GGACT: variants seen among roughly 807,000 people sequenced by gnomAD.
GGACT encodes the protein gamma-glutamylaminecyclotransferase.
For synonymous variants in GGACT, 118 were observed against 115.3 expected, an observed-to-expected ratio of 1.02 and a Z score of -0.15; for missense variants, 241 against 233.2, an observed-to-expected ratio of 1.03 and a Z score of -0.22.
intron 2 of GGACT, among the ~76,000 whole-genome samples, chr13:100,547,347 A>G (rs918318422): frequency 2.0e-5 from 3 of 152,184 alleles, no homozygotes; most frequent in African/African-American, 7.2e-5. Flanking sequence ...CCCTCTGGGG[A>G]GATGGAAATG....
chr13:100,545,567 A>C lies in GGACT; in HGVS notation c.-10-12966T>G, dbSNP rs1024435841. 6.6e-6 allele frequency among the ~76,000 whole-genome samples: 1 copy of C among 152,216 alleles called. No homozygotes were observed. Among genetic ancestry groups the C allele is most frequent in the African/African-American group, 2.4e-5 (1 of 41,462 alleles). ...TAGAAGGTGCCCTCAGGGTTTATTA[A>C]GCACACCCTGGGCTGCCTGCCTGCC... is the stretch of plus-strand genomic sequence containing the variant. On this transcript the variant is annotated intron_variant, in intron 2 of 2. Transcript: ENST00000683975. This position sits in a 1 kb window ranked among gnomAD's most constrained non-coding sequence, Gnocchi z 4.4.
In GGACT at chr13:100,534,389, G is replaced by GA. The variant is rs777631925; in HGVS notation, c.-10-1789dup. Among the ~76,000 whole-genome samples the GA allele has an allele frequency of 6.6e-5, 10 of 152,156 alleles. No individual in the cohort carries two copies. Among genetic ancestry groups the GA allele is most frequent in the Non-Finnish European group, 1.2e-4 (8 of 68,032 alleles). ...TGCTGGGATAGGAAAGTTGAGATGT[G>GA]AATTAAGGAGAACCTGGGGTAGGAC... is the stretch of plus-strand genomic sequence containing the variant. On this transcript the variant is annotated intron_variant, in intron 2 of 2. Transcript: ENST00000683975. The surrounding 1 kb of genome is among the most constrained non-coding windows in gnomAD (Gnocchi z 4.9).
chr13:100,544,596 C>T (rs35608210), intron 2 of GGACT, among the ~76,000 whole-genome samples: 3,181 of 152,310 alleles, frequency 0.021, 91 homozygotes, highest in East Asian at 0.15. Context: ...CTTCACAGTT[C>T]GCTCAAGACA....
At chr13:100,546,465 T>G (rs967511867) in intron 2 of GGACT, among the ~76,000 whole-genome samples, 2 of 99,128 alleles carry the variant, frequency 2.0e-5, no homozygotes, top group African/African-American at 7.9e-5. Flanking sequence ...AAACTGATAT[T>G]GTACAACATA....
intron 2 of GGACT, among the ~76,000 whole-genome samples, chr13:100,550,946 A>T (rs1478514902): frequency 6.6e-6 from 1 of 152,248 alleles, no homozygotes; most frequent in Non-Finnish European, 1.5e-5. Flanking sequence ...GGAGGAGTAT[A>T]TAAAAGTTTT....
chr13:100,530,833 C>T lies in GGACT; in HGVS notation c.*1297G>A, dbSNP rs1179573268. The T allele has an allele frequency of 6.2e-6, 1 of 160,894 alleles. No individual in the cohort carries two copies. Among genetic ancestry groups the T allele is most frequent in the Non-Finnish European group, 1.4e-5 (1 of 73,452 alleles). 10.0% of individuals were successfully genotyped at this position (160,894 alleles called of 1,614,324 possible). Reference sequence around the variant, plus strand: ...TTTGAGGATGAGCGCGCTGCCTGGTCCCTTCCCCATTGCACAAGCCAGGGC... The same window carrying T: ...TTTGAGGATGAGCGCGCTGCCTGGTTCCTTCCCCATTGCACAAGCCAGGGC... On this transcript the variant is annotated 3_prime_UTR_variant, in exon 3 of 3. Coordinates refer to ENST00000683975, the MANE Select transcript of GGACT (RefSeq NM_001195087.2).
chr13:100,585,779 GAA>G (rs71121120), intron 1 of GGACT, among the ~76,000 whole-genome samples: 1 of 50,084 alleles, frequency 2.0e-5, no homozygotes, highest in Non-Finnish European at 4.0e-5. Flanking sequence ...TCTCAGGAAG[GAA>G]AAAAAAAAAA....
intron 2 of GGACT, among the ~76,000 whole-genome samples, chr13:100,561,760 A>G (rs561157250): frequency 6.6e-6 from 1 of 152,314 alleles, no homozygotes; most frequent in African/African-American, 2.4e-5. Context: ...GGTGCTGCTC[A>G]GTGGGGGGCT....
chr13:100,546,587 G>T (rs1045595452), intron 2 of GGACT, among the ~76,000 whole-genome samples: 1 of 152,088 alleles, frequency 6.6e-6, no homozygotes, highest in African/African-American at 2.4e-5. Context: ...GAGGTGGGGG[G>T]ATCGCTTGAG....
intron 2 of GGACT, among the ~76,000 whole-genome samples, chr13:100,575,091 G>A (rs1216434935): frequency 1.3e-5 from 2 of 152,142 alleles, no homozygotes; most frequent in Non-Finnish European, 2.9e-5. Context: ...CTTTTCAGAA[G>A]GAAAAACAGG....
At chr13:100,550,417 T>TACACACACACAC (rs61669253) in intron 2 of GGACT, among the ~76,000 whole-genome samples, 3 of 72,514 alleles carry the variant, frequency 4.1e-5, no homozygotes, top group African/African-American at 2.5e-4. Flanking sequence ...GATTATACTC[T>TACACACACACAC]ACACACACAC....
At chr13:100,553,732 T>A (rs886263572) in intron 2 of GGACT, among the ~76,000 whole-genome samples, 1 of 151,402 alleles carries the variant, frequency 6.6e-6, no homozygotes, top group Non-Finnish European at 1.5e-5. Context: ...TAGTCCCAGC[T>A]ACTTGGGAAG....
chr13:100,561,980 A>T (rs1310655902), intron 2 of GGACT, among the ~76,000 whole-genome samples: 3 of 152,220 alleles, frequency 2.0e-5, no homozygotes, highest in Non-Finnish European at 2.9e-5. Flanking sequence ...CATGCGGCAG[A>T]GTCTGCATGC....
intron 2 of GGACT, among the ~76,000 whole-genome samples, chr13:100,573,408 A>C (rs535156079): frequency 5.9e-5 from 9 of 152,334 alleles, no homozygotes; most frequent in African/African-American, 1.9e-4. Flanking sequence ...ATAACTTTTT[A>C]AACAAAACAA....
chr13:100,542,398 G>A (rs2153013099), intron 2 of GGACT, among the ~76,000 whole-genome samples: 1 of 152,294 alleles, frequency 6.6e-6, no homozygotes, highest in South Asian at 2.1e-4. Context: ...GTCCACGAAA[G>A]TAAATCTAAA....
intron 2 of GGACT, among the ~76,000 whole-genome samples, chr13:100,579,377 G>T (rs1014387867): frequency 6.6e-6 from 1 of 152,086 alleles, no homozygotes. Flanking sequence ...TTTCTCCTGC[G>T]TGTGTCTTGC....
intron 2 of GGACT, among the ~76,000 whole-genome samples, chr13:100,573,223 A>T (rs1875140123): frequency 6.6e-6 from 1 of 152,084 alleles, no homozygotes; most frequent in Non-Finnish European, 1.5e-5. Context: ...TGTTTACTAC[A>T]CTGCCACCAG....
At chr13:100,562,192 C>T (rs989050194) in intron 2 of GGACT, among the ~76,000 whole-genome samples, 2 of 152,108 alleles carry the variant, frequency 1.3e-5, no homozygotes, top group African/African-American at 2.4e-5. Flanking sequence ...TTCTATAAAA[C>T]GGCAAGCCCC....
intron 2 of GGACT, among the ~76,000 whole-genome samples, chr13:100,549,977 A>G (rs1203849609): frequency 6.6e-6 from 1 of 152,216 alleles, no homozygotes; most frequent in African/African-American, 2.4e-5. Context: ...AAATCCTTTC[A>G]GTGCTTGTAT....
Sources: allele counts gnomAD v4.1 joint callset (sites outside exome capture counted in the v4.1 genomes callset), GRCh38; gene constraint gnomAD v4.1.1; non-coding constraint Gnocchi (gnomAD v3.1); transcripts MANE v1.5; gene names NCBI Gene and HGNC (gene_info 2026-07-23, HGNC 2026-07-21).